The following CEP350 variants were observed in gnomAD, a reference collection of about 807,000 sequenced individuals.
CEP350 encodes centrosome-associated protein 350.
In CEP350, 126 loss-of-function variants were observed where a neutral mutation model predicts 331.8. The ratio of observed to expected loss-of-function variants is 0.38; its 90% confidence interval spans 0.33 to 0.44. The LOEUF (loss-of-function observed/expected upper bound fraction) is 0.44. Ranked by LOEUF, CEP350 falls within the 20% of genes least tolerant of loss-of-function variation. CEP350 has a pLI of 1.00. For missense variants in CEP350, 3,406 were observed against 3,634.6 expected, an observed-to-expected ratio of 0.94 and a Z score of 1.62; for synonymous variants, 1,200 against 1,259.5, an observed-to-expected ratio of 0.95 and a Z score of 1.00.
Position 180,111,195 on chromosome 1 carries a change from T to C in CEP350, c.*34T>C, listed in dbSNP as rs1661454089. The C allele has an allele frequency of 6.2e-7, 1 of 1,607,106 alleles. No homozygotes were observed. Among genetic ancestry groups the C allele is most frequent in the Non-Finnish European group, 8.5e-7 (1 of 1,175,048 alleles). ...AAATAAATCGAACGCTGAGTGCTAA[T>C]GTGAGTCCTGGGCCTTTCTGCCTCC... On this transcript the variant is annotated 3_prime_UTR_variant, in exon 38 of 38. Coordinates refer to ENST00000367607, the MANE Select transcript of CEP350 (RefSeq NM_014810.5).
intron 37 of CEP350, among the ~76,000 whole-genome samples, chr1:180,102,677 G>T (rs1008244565): frequency 3.3e-5 from 5 of 151,998 alleles, no homozygotes; most frequent in African/African-American, 2.4e-5. Context: ...TCTGAGCTCG[G>T]TTGCATCTAC....
At chr1:180,038,658 T>A (rs984209094) in intron 17 of CEP350, among the ~76,000 whole-genome samples, 1 of 152,220 alleles carries the variant, frequency 6.6e-6, no homozygotes, top group African/African-American at 2.4e-5. Flanking sequence ...TTTTTGTGTA[T>A]TTATTGAGCA....
chr1:180,042,033 C>T (rs1463611584), intron 19 of CEP350, among the ~76,000 whole-genome samples: 1 of 151,934 alleles, frequency 6.6e-6, no homozygotes, highest in Non-Finnish European at 1.5e-5. Context: ...AATTTCTGCC[C>T]TCTGGTAAGC....
rs764667904 is a variant in CEP350 at position 180,093,580 on chromosome 1, A to T, written c.7475A>T (p.Asp2492Val). 7 of 1,613,860 alleles carry T rather than the reference A, an allele frequency of 4.3e-6. No individual in the cohort carries two copies. Among genetic ancestry groups the T allele is most frequent in the Admixed American group, 3.3e-5 (2 of 59,996 alleles). The change falls in exon 34 of 38, where the codon GAC becomes GTC. Residue 2492 changes from aspartate to valine, a missense_variant. Asp to Val is a radical substitution (Grantham distance 152). Around this residue, in one of 5 missense-constraint regions of CEP350, gnomAD observed 1,415 missense variants for 1,512.3 expected, o/e 0.94. Transcript: ENST00000367607. Reference sequence around the variant, plus strand: ...TCCTTGGCTTCAGTTCCTACTGCAGACGAGTTATTTGATTTCCACATTGGT... The same window carrying T: ...TCCTTGGCTTCAGTTCCTACTGCAGTCGAGTTATTTGATTTCCACATTGGT... ...SPSLASVPTA[D>V]ELFDFHIGDR... is the part of the protein sequence containing the mutation.
At chr1:180,056,101 T>C (rs2148981923) in intron 25 of CEP350, among the ~76,000 whole-genome samples, 1 of 152,324 alleles carries the variant, frequency 6.6e-6, no homozygotes, top group South Asian at 2.1e-4. Flanking sequence ...TTTTATTGCA[T>C]GCCTGCTAAT....
intron 1 of CEP350, among the ~76,000 whole-genome samples, chr1:179,974,583 G>A (rs1651709372): frequency 6.6e-6 from 1 of 152,158 alleles, no homozygotes; most frequent in Non-Finnish European, 1.5e-5. Context: ...TTGTTTATGT[G>A]TGTCTCTCCT....
chr1:180,096,857 A>G (rs2149146199), intron 36 of CEP350, among the ~76,000 whole-genome samples: 1 of 152,308 alleles, frequency 6.6e-6, no homozygotes, highest in Middle Eastern at 3.4e-3. Flanking sequence ...AGTGATTCTC[A>G]ACTTTTAATG....
chr1:179,964,731 T>A (rs1426723015), intron 1 of CEP350, among the ~76,000 whole-genome samples: 1 of 151,978 alleles, frequency 6.6e-6, no homozygotes, highest in Non-Finnish European at 1.5e-5. Context: ...CTGTCACCTT[T>A]GTCATTTCTG....
At chr1:179,974,986 G>A (rs1390184318) in intron 1 of CEP350, among the ~76,000 whole-genome samples, 1 of 151,520 alleles carries the variant, frequency 6.6e-6, no homozygotes, top group Admixed American at 6.6e-5. Flanking sequence ...GCAAGACCGT[G>A]TCTCTAAAAA....
chr1:180,092,670 G>A lies in CEP350; in HGVS notation c.6565G>A (p.Ala2189Thr). 1 of 1,612,942 alleles carries A rather than the reference G, an allele frequency of 6.2e-7. No homozygotes were observed. The highest frequency in any genetic ancestry group is 1.1e-5 in the South Asian group (1 of 90,894). ...SVSERSLSAYAKRVNEWDSRT... is the reference protein window; with the variant it reads ...SVSERSLSAYTKRVNEWDSRT... The stretch of plus-strand genomic sequence containing the variant: ...ATCAGAAAGGTCTTTATCTGCATAT[G>A]CAAAGAGAGTAAATGAATGGGACAG... The change falls in exon 34 of 38, where the codon GCA becomes ACA. Residue 2189 changes from alanine to threonine, a missense_variant. Ala to Thr is a moderately conservative substitution (Grantham distance 58). Transcript: ENST00000367607.
chr1:180,016,272 A>G (rs1329679031), intron 11 of CEP350, among the ~76,000 whole-genome samples: 1 of 152,152 alleles, frequency 6.6e-6, no homozygotes, highest in African/African-American at 2.4e-5. Context: ...ATGATGGTGA[A>G]ATTTTAAAGT....
intron 20 of CEP350, 74 bp downstream of exon 20, chr1:180,043,266 G>C (rs1460743499): frequency 6.8e-7 from 1 of 1,476,522 alleles, no homozygotes; most frequent in Non-Finnish European, 9.1e-7. Flanking sequence ...AATATGTAAT[G>C]AGTATTTGTT....
At chr1:180,004,927 C>CTTT (rs367845675) in intron 7 of CEP350, among the ~76,000 whole-genome samples, 1 of 74,962 alleles carries the variant, frequency 1.3e-5, no homozygotes, top group African/African-American at 4.5e-5. Flanking sequence ...TTCTTTCTTT[C>CTTT]TTTCTTTCTT....
At chr1:179,998,891 A>AT (rs1295933646) in intron 6 of CEP350, among the ~76,000 whole-genome samples, 2 of 152,068 alleles carry the variant, frequency 1.3e-5, no homozygotes, top group Non-Finnish European at 2.9e-5. Flanking sequence ...ATTTGTGAGA[A>AT]ATTGTGATCA....
At chr1:180,006,375 A>G (rs1371344947) in intron 7 of CEP350, 79 bp from the exon 8 acceptor site, 1 of 763,408 alleles carries the variant, frequency 1.3e-6, no homozygotes, top group African/African-American at 1.7e-5. Context: ...TACTTTATAC[A>G]GATTTTTCCT....
chr1:180,105,265 A>T (rs2149185375), intron 37 of CEP350, among the ~76,000 whole-genome samples: 1 of 152,036 alleles, frequency 6.6e-6, no homozygotes, highest in African/African-American at 2.4e-5. Flanking sequence ...TTGTTGGTTC[A>T]TCCTCACCTT....
chr1:180,058,426 A>G (rs1657987379), intron 25 of CEP350, among the ~76,000 whole-genome samples: 1 of 152,222 alleles, frequency 6.6e-6, no homozygotes, highest in African/African-American at 2.4e-5. Flanking sequence ...AGCAAGATGC[A>G]AAGAATATAT....
rs1322891686 is a variant in CEP350, at chr1:180,031,420, ACTTTCT to A, written c.3652_3657del (p.Leu1218_Ser1219del). 6.2e-7 allele frequency: 1 copy of A among 1,604,580 alleles called. No individual in the cohort carries two copies. Among genetic ancestry groups the A allele is most frequent in the Admixed American group, 1.7e-5 (1 of 59,152 alleles). On this transcript the variant is annotated inframe_deletion, in exon 15 of 38. Coordinates refer to ENST00000367607, the MANE Select transcript of CEP350 (RefSeq NM_014810.5). ...GAAAGAAATCTGGGACCAGCAGCAA[ACTTTCT>A]GTTAAAGATTTTGAGCAGACTCTTG... is the stretch of plus-strand genomic sequence containing the variant.
chr1:180,069,173 C>G (rs926804503), intron 27 of CEP350, among the ~76,000 whole-genome samples: 11 of 152,170 alleles, frequency 7.2e-5, no homozygotes, highest in Admixed American at 6.5e-5. Context: ...AAAGATGAAG[C>G]CTTTAGTCAC....
Sources: allele counts gnomAD v4.1 joint callset (sites outside exome capture counted in the v4.1 genomes callset), GRCh38; gene constraint gnomAD v4.1.1; regional missense constraint gnomAD v4.1.1; transcripts MANE v1.5; gene names NCBI Gene and HGNC (gene_info 2026-07-23, HGNC 2026-07-21).